LARP4: variants seen among roughly 807,000 people sequenced by gnomAD.
LARP4 encodes la-related protein 4.
A neutral mutation model predicts 92.9 loss-of-function variants in LARP4; 29 were observed. The ratio of observed to expected loss-of-function variants is 0.31; its 90% CI spans 0.23 to 0.43. The LOEUF (loss-of-function observed/expected upper bound fraction) is 0.43, where lower values mean the gene tolerates loss of function less well. Among genes scored for constraint, LARP4 ranks in the 20% least tolerant of loss-of-function variants. LARP4 has a pLI of 1.00. For synonymous variants in LARP4, 279 were observed against 284.1 expected (o/e 0.98, Z 0.18); for missense variants, 732 against 860.0 (o/e 0.85, Z 1.86).
intron 4 of LARP4, among the ~76,000 whole-genome samples, chr12:50,430,982 G>T (rs374700016): frequency 5.4e-4 from 82 of 152,266 alleles, no homozygotes; most frequent in African/African-American, 1.9e-3. Context: ...ATTTAAAAGT[G>T]TAGGGTCGGG....
intron 13 of LARP4, among the ~76,000 whole-genome samples, chr12:50,469,779 C>T (rs949189504): frequency 1.4e-5 from 2 of 147,738 alleles, no homozygotes; most frequent in African/African-American, 5.0e-5. Context: ...CATGGTGGCA[C>T]GCACCTGTAG....
intron 1 of LARP4, among the ~76,000 whole-genome samples, chr12:50,408,408 G>T (rs1175129121): frequency 6.6e-6 from 1 of 151,850 alleles, no homozygotes; most frequent in East Asian, 1.9e-4. Flanking sequence ...TGTTGGTCAG[G>T]CTGGTCTCGA....
At position 50,461,188 on chromosome 12, in the gene LARP4, C is replaced by T. The variant is rs759574517; in HGVS notation, c.1175C>T (p.Ser392Phe). The T allele has an allele frequency of 6.2e-7, 1 of 1,614,104 alleles. No homozygotes were observed. The highest frequency in any genetic ancestry group is 8.5e-7 in the Non-Finnish European group (1 of 1,180,012). Residue 392 changes from serine to phenylalanine, a missense_variant, in exon 11 of 16, where the codon TCT becomes TTT. Ser to Phe is a radical substitution (Grantham distance 155). Transcript: ENST00000398473. ...SGGSEHSTEG[S>F]VSLGDGQLNR... ...GGTTCAGAACACTCAACAGAGGGCT[C>T]TGTATCCTTGGGGGATGGACAGTTG...
intron 13 of LARP4, among the ~76,000 whole-genome samples, chr12:50,470,752 T>C (rs1956842457): frequency 1.3e-5 from 2 of 152,154 alleles, no homozygotes; most frequent in Admixed American, 6.6e-5. Context: ...AACACACAAT[T>C]ATGGCCCATA....
At chr12:50,406,442 C>G (rs1023399764) in intron 1 of LARP4, among the ~76,000 whole-genome samples, 4 of 152,106 alleles carry the variant, frequency 2.6e-5, no homozygotes, top group African/African-American at 9.7e-5. Flanking sequence ...GTTCATGACA[C>G]TGCACTCCAG....
chr12:50,434,780 C>T (rs1950178103), intron 4 of LARP4, among the ~76,000 whole-genome samples: 1 of 152,054 alleles, frequency 6.6e-6, no homozygotes, highest in Non-Finnish European at 1.5e-5. Context: ...TGCGCTGGCT[C>T]ACGCCTGTAA....
Position 50,461,231 on chromosome 12 carries a change from A to G in LARP4, c.1218A>G (p.Arg406=). ...GDGQLNRYSS[R]NFPAERHNPT... is the part of the protein sequence containing the mutation. ...GACAGTTGAACAGATATAGTTCAAG[A>G]AACTTTCCAGCTGAACGGCATAACC... The change falls in exon 11 of 16, where the codon AGA becomes AGG. Residue 406 remains arginine, a synonymous_variant. Coordinates refer to ENST00000398473, the MANE Select transcript of LARP4 (RefSeq NM_052879.5). The G allele has an allele frequency of 6.2e-7, 1 of 1,614,166 alleles. No individual in the cohort carries two copies. Among genetic ancestry groups the G allele is most frequent in the Non-Finnish European group, 8.5e-7 (1 of 1,180,032 alleles).
At chr12:50,450,083 ACCACCACG>A (rs1952907903) in intron 8 of LARP4, among the ~76,000 whole-genome samples, 1 of 151,780 alleles carries the variant, frequency 6.6e-6, no homozygotes, top group Non-Finnish European at 1.5e-5. Context: ...ACAGGTGTGC[ACCACCACG>A]CCCAGCTAAT....
chr12:50,434,972 C>T (rs555674314), intron 4 of LARP4, among the ~76,000 whole-genome samples: 6 of 152,242 alleles, frequency 3.9e-5, no homozygotes, highest in Non-Finnish European at 7.4e-5. Flanking sequence ...TACTTGAACC[C>T]GGAAGGCAGA....
intron 12 of LARP4, 140 bp downstream of exon 12, chr12:50,462,770 C>T (rs534268993): frequency 1.7e-6 from 1 of 603,480 alleles, no homozygotes; most frequent in South Asian, 2.4e-5. Flanking sequence ...AAATTTAACC[C>T]TGAAATTTTT....
intron 1 of LARP4, among the ~76,000 whole-genome samples, chr12:50,426,684 G>GGTGTGT (rs762987529): frequency 0.023 from 1,967 of 86,106 alleles, 47 homozygotes; most frequent in South Asian, 0.035. Flanking sequence ...TTATGTTTGG[G>GGTGTGT]GTGTGTGTGT....
chr12:50,451,526 C>A (rs775925141), intron 8 of LARP4, among the ~76,000 whole-genome samples: 6 of 152,034 alleles, frequency 3.9e-5, no homozygotes, highest in Admixed American at 6.6e-5. Flanking sequence ...GGTGAAACCC[C>A]ATCTCTAGTA....
Position 50,453,608 on chromosome 12 carries a change from C to G in LARP4, c.953C>G (p.Ser318Trp). 1 of 1,613,512 alleles carries G rather than the reference C, an allele frequency of 6.2e-7. No homozygotes were observed. Among genetic ancestry groups the G allele is most frequent in the Non-Finnish European group, 8.5e-7 (1 of 1,179,578 alleles). Residue 318 changes from serine to tryptophan, a missense_variant, in exon 9 of 16, where the codon TCG (serine) becomes TGG (tryptophan). Physicochemically the swap from Ser to Trp is radical, Grantham distance 177. Coordinates refer to ENST00000398473, the MANE Select transcript of LARP4 (RefSeq NM_052879.5). Reference protein sequence around the residue: ...QPVYNPHQQYSVYSIVPQSWS... With the variant: ...QPVYNPHQQYWVYSIVPQSWS... ...GTATATAATCCTCACCAACAGTACT[C>G]GGTCTATAGTATTGTGCCTCAGTCT...
At chr12:50,459,077 C>T (rs913427203) in intron 10 of LARP4, among the ~76,000 whole-genome samples, 1 of 152,158 alleles carries the variant, frequency 6.6e-6, no homozygotes, top group Admixed American at 6.5e-5. Flanking sequence ...TGGCTCCCTG[C>T]AAACTCCACC....
At chr12:50,445,609 C>G (rs1164877606) in intron 8 of LARP4, among the ~76,000 whole-genome samples, 1 of 151,974 alleles carries the variant, frequency 6.6e-6, no homozygotes, top group Non-Finnish European at 1.5e-5. Flanking sequence ...GTTCATTTTT[C>G]TTCAACCTAT....
At chr12:50,435,454 T>C in intron 4 of LARP4, 34 bp from the exon 5 acceptor site, 1 of 1,234,716 alleles carries the variant, frequency 8.1e-7, no homozygotes, top group East Asian at 2.4e-5. Flanking sequence ...TTTTTAATAA[T>C]TGCTTGTTTT....
chr12:50,405,619 A>G (rs1944682745), intron 1 of LARP4, among the ~76,000 whole-genome samples: 11 of 152,032 alleles, frequency 7.2e-5, no homozygotes, highest in Admixed American at 6.6e-4. Flanking sequence ...TTGTAGAGAC[A>G]GGGTTTTGCT....
At chr12:50,421,475 C>T (rs572333789) in intron 1 of LARP4, among the ~76,000 whole-genome samples, 1 of 151,742 alleles carries the variant, frequency 6.6e-6, no homozygotes, top group South Asian at 2.1e-4. Context: ...AATCCCGTCT[C>T]TACTAAAAAT....
intron 5 of LARP4, among the ~76,000 whole-genome samples, chr12:50,436,174 GTATATATATA>G (rs10599634): frequency 7.3e-6 from 1 of 136,612 alleles, no homozygotes; most frequent in Non-Finnish European, 1.6e-5. Context: ...GTGTGTGTAT[GTATATATATA>G]TATATATATA....
Sources: allele counts gnomAD v4.1 joint callset (sites outside exome capture counted in the v4.1 genomes callset), GRCh38; gene constraint gnomAD v4.1.1; transcripts MANE v1.5; gene names NCBI Gene and HGNC (gene_info 2026-07-23, HGNC 2026-07-21).